The following RSU1 variants were observed in gnomAD, a reference collection of about 807,000 sequenced individuals.
The protein encoded by RSU1 is rsu-1.
Under a neutral mutation model 31.1 loss-of-function variants are expected in RSU1, and 26 were observed. The ratio of observed to expected loss-of-function variants is 0.84; its 90% CI spans 0.61 to 1.16. The LOEUF (loss-of-function observed/expected upper bound fraction) is 1.16. Ranked by LOEUF, RSU1 falls within the 50% of genes most tolerant of loss-of-function variation. RSU1 has a pLI of 0.00. For synonymous variants in RSU1, 164 were observed against 136.3 expected (o/e 1.20, Z -1.41); for missense variants, 320 against 339.1 (o/e 0.94, Z 0.44).
intron 8 of RSU1, among the ~76,000 whole-genome samples, chr10:16,652,412 A>AT (rs34029664): frequency 6.9e-6 from 1 of 144,762 alleles, no homozygotes; most frequent in Non-Finnish European, 1.5e-5. Context: ...AAAAAAAAAA[A>AT]CCCGAGAATC....
At chr10:16,626,353 C>A (rs1314272774) in intron 8 of RSU1, among the ~76,000 whole-genome samples, 1 of 152,002 alleles carries the variant, frequency 6.6e-6, no homozygotes, top group Non-Finnish European at 1.5e-5. Flanking sequence ...ACCTGGCTAA[C>A]TTGTTTTTTT....
chr10:16,704,871 T>C (rs965806965), intron 7 of RSU1, among the ~76,000 whole-genome samples: 7 of 152,198 alleles, frequency 4.6e-5, no homozygotes, highest in South Asian at 2.1e-4. Context: ...AAAATACACA[T>C]AGGATAAAAT....
At chr10:16,740,714 T>C (rs901559524) in intron 7 of RSU1, among the ~76,000 whole-genome samples, 2 of 152,102 alleles carry the variant, frequency 1.3e-5, no homozygotes, top group South Asian at 4.1e-4. Context: ...ATTTCATATA[T>C]AATAGCAACA....
chr10:16,715,483 T>C (rs1056934817), intron 7 of RSU1, among the ~76,000 whole-genome samples: 2 of 152,226 alleles, frequency 1.3e-5, no homozygotes, highest in African/African-American at 2.4e-5. Flanking sequence ...TTCTTCTATA[T>C]GTTATTAGGC....
At chr10:16,722,783 T>C (rs1836292674) in intron 7 of RSU1, among the ~76,000 whole-genome samples, 1 of 151,672 alleles carries the variant, frequency 6.6e-6, no homozygotes, top group Admixed American at 6.6e-5. Flanking sequence ...TATATATGTG[T>C]ATGTGTGTGT....
At chr10:16,625,282 T>C (rs1161686673) in intron 8 of RSU1, among the ~76,000 whole-genome samples, 1 of 152,148 alleles carries the variant, frequency 6.6e-6, no homozygotes, top group Non-Finnish European at 1.5e-5. Flanking sequence ...GAAGAGCTTC[T>C]GTCTCGTGGG....
intron 7 of RSU1, among the ~76,000 whole-genome samples, chr10:16,702,305 G>A (rs1434249728): frequency 6.6e-6 from 1 of 152,230 alleles, no homozygotes; most frequent in East Asian, 1.9e-4. Flanking sequence ...CTCCACTGAG[G>A]AACCGCCTTA....
intron 8 of RSU1, among the ~76,000 whole-genome samples, chr10:16,612,875 G>A (rs947675277): frequency 2.6e-5 from 4 of 152,252 alleles, no homozygotes; most frequent in African/African-American, 9.6e-5. Context: ...CCTGATGCCA[G>A]CAGGCAACCT....
chr10:16,772,485 T>C (rs1275168777), intron 3 of RSU1, among the ~76,000 whole-genome samples: 1 of 151,646 alleles, frequency 6.6e-6, no homozygotes, highest in Non-Finnish European at 1.5e-5. Context: ...AGAGCTTTAA[T>C]TGGGGAGCTG....
At chr10:16,710,677 T>G (rs1405112416) in intron 7 of RSU1, among the ~76,000 whole-genome samples, 1 of 151,334 alleles carries the variant, frequency 6.6e-6, no homozygotes, top group African/African-American at 2.4e-5. Context: ...TTTTTTTATT[T>G]TTTATTATAC....
Position 16,695,161 on chromosome 10 carries a change from G to GA in RSU1, c.599-7_599-6insT. The GA allele has an allele frequency of 1.3e-6, 2 of 1,483,248 alleles. No homozygotes were observed. The highest frequency in any genetic ancestry group is 9.1e-7 in the Non-Finnish European group (1 of 1,102,246). 91.9% of individuals were successfully genotyped at this position (1,483,248 alleles called of 1,614,324 possible). ...GCCAGTTAAATCCAAGTTTCCTGGGGGGGGGGAAAAAAAAAGTGAAGGTCA... is the reference window on the plus strand; with the variant it reads ...GCCAGTTAAATCCAAGTTTCCTGGGGAGGGGGGAAAAAAAAAGTGAAGGTCA... On this transcript the variant is annotated splice_polypyrimidine_tract_variant and splice_region_variant and intron_variant, in intron 7 of 8. Transcript: ENST00000345264.
chr10:16,753,504 G>T (rs1471455234), intron 5 of RSU1, among the ~76,000 whole-genome samples: 1 of 152,138 alleles, frequency 6.6e-6, no homozygotes, highest in South Asian at 2.1e-4. Context: ...TATAACCACA[G>T]CTCATCAGTT....
intron 7 of RSU1, among the ~76,000 whole-genome samples, chr10:16,705,377 T>C (rs1835876220): frequency 6.6e-6 from 1 of 152,198 alleles, no homozygotes; most frequent in Non-Finnish European, 1.5e-5. Context: ...TTTTAAATAA[T>C]CTCTACATTA....
At chr10:16,712,063 T>G (rs1485562168) in intron 7 of RSU1, among the ~76,000 whole-genome samples, 1 of 152,212 alleles carries the variant, frequency 6.6e-6, no homozygotes, top group East Asian at 1.9e-4. Context: ...TTATTGAATT[T>G]ATCCTTTAAT....
At chr10:16,690,551 A>G (rs1210342217) in intron 8 of RSU1, among the ~76,000 whole-genome samples, 1 of 152,140 alleles carries the variant, frequency 6.6e-6, no homozygotes, top group Non-Finnish European at 1.5e-5. Flanking sequence ...TCCCATCTTC[A>G]TGAAGCTAAG....
intron 7 of RSU1, among the ~76,000 whole-genome samples, chr10:16,706,267 C>T (rs559114047): frequency 2.0e-5 from 3 of 152,310 alleles, no homozygotes; most frequent in African/African-American, 7.2e-5. Context: ...CTTTTTAATA[C>T]TTGTAAATTT....
At chr10:16,788,358 G>C (rs1490858398) in intron 2 of RSU1, among the ~76,000 whole-genome samples, 2 of 152,178 alleles carry the variant, frequency 1.3e-5, no homozygotes, top group Non-Finnish European at 2.9e-5. Flanking sequence ...CGAATCCCCA[G>C]TGTATGGTAT....
At chr10:16,597,913 A>G (rs1347859522) in intron 8 of RSU1, among the ~76,000 whole-genome samples, 1 of 152,216 alleles carries the variant, frequency 6.6e-6, no homozygotes, top group African/African-American at 2.4e-5. Context: ...TGGGCAGATG[A>G]GAGCTGGCGT....
intron 8 of RSU1, among the ~76,000 whole-genome samples, chr10:16,685,143 G>A (rs1046330413): frequency 2.0e-5 from 3 of 152,108 alleles, no homozygotes; most frequent in African/African-American, 4.8e-5. Flanking sequence ...CCAGGTACTC[G>A]GGAGACCGAG....
Sources: gnomAD v4.1 joint callset for allele counts (sites outside exome capture counted in the v4.1 genomes callset) on GRCh38, gnomAD v4.1.1 for gene constraint, MANE v1.5 for transcripts, NCBI Gene and HGNC (gene_info 2026-07-23, HGNC 2026-07-21) for gene names.